The following PAPPA2 variants were observed in gnomAD, a reference collection of about 807,000 sequenced individuals.
PAPPA2 encodes pappalysin 2.
Under a neutral mutation model 176.4 loss-of-function variants are expected in PAPPA2, and 86 were observed. That is an observed-to-expected ratio of 0.49 (90% confidence interval 0.41 to 0.58). PAPPA2 has a LOEUF of 0.58. Ranked by LOEUF, PAPPA2 falls within the 20% of genes least tolerant of loss-of-function variation. The pLI, the probability that PAPPA2 is intolerant of heterozygous loss-of-function variation, is 0.00. For synonymous variants in PAPPA2, 809 were observed against 852.2 expected (o/e 0.95, Z 0.88); for missense variants, 2,073 against 2,256.9 (o/e 0.92, Z 1.65).
intron 15 of PAPPA2, among the ~76,000 whole-genome samples, chr1:176,768,832 C>T (rs190489450): frequency 4.3e-4 from 66 of 152,180 alleles, no homozygotes; most frequent in African/African-American, 1.5e-3. Flanking sequence ...TGGAAGATGC[C>T]TTGTATGCAT....
At chr1:176,825,881 T>C (rs140033471) in intron 21 of PAPPA2, among the ~76,000 whole-genome samples, 6 of 152,264 alleles carry the variant, frequency 3.9e-5, no homozygotes, top group Non-Finnish European at 8.8e-5. Flanking sequence ...CAGAGAACCA[T>C]TGATACGAAG....
At chr1:176,600,031 C>T (rs1454569791) in intron 3 of PAPPA2, among the ~76,000 whole-genome samples, 1 of 152,048 alleles carries the variant, frequency 6.6e-6, no homozygotes, top group Non-Finnish European at 1.5e-5. Flanking sequence ...TTTTTTATGA[C>T]TCTTGGCAAA....
At chr1:176,837,745 T>A (rs1571402294) in intron 21 of PAPPA2, among the ~76,000 whole-genome samples, 1 of 151,962 alleles carries the variant, frequency 6.6e-6, no homozygotes, top group East Asian at 1.9e-4. Context: ...TAGAGTGATA[T>A]CCTAAGACTG....
At chr1:176,524,898 C>T (rs898749977) in intron 1 of PAPPA2, among the ~76,000 whole-genome samples, 6 of 152,108 alleles carry the variant, frequency 3.9e-5, no homozygotes, top group Admixed American at 6.5e-5. Context: ...TAAAATTAGT[C>T]GGGCGTGATG....
chr1:176,727,194 A>C (rs937723516), intron 12 of PAPPA2, among the ~76,000 whole-genome samples: 1 of 152,190 alleles, frequency 6.6e-6, no homozygotes, highest in African/African-American at 2.4e-5. Context: ...CAGAAAATAA[A>C]TACCAAGATG....
intron 17 of PAPPA2, among the ~76,000 whole-genome samples, chr1:176,777,035 CT>C: frequency 6.6e-6 from 1 of 151,986 alleles, no homozygotes; most frequent in Non-Finnish European, 1.5e-5. Flanking sequence ...GCTAAAAATG[CT>C]TTTAGTTTCA....
intron 1 of PAPPA2, among the ~76,000 whole-genome samples, chr1:176,534,074 TTTAC>T (rs1649946812): frequency 2.0e-5 from 3 of 149,048 alleles, no homozygotes; most frequent in South Asian, 2.1e-4. Context: ...AATGTTTCTT[TTTAC>T]TTCTTCTAAA....
At chr1:176,789,377 G>T (rs912871175) in intron 17 of PAPPA2, among the ~76,000 whole-genome samples, 1 of 149,122 alleles carries the variant, frequency 6.7e-6, no homozygotes, top group South Asian at 2.2e-4. Context: ...ACAGGAAGGG[G>T]AACATCACAC....
chr1:176,632,249 G>C (rs546374939), intron 3 of PAPPA2, among the ~76,000 whole-genome samples: 1 of 151,980 alleles, frequency 6.6e-6, no homozygotes, highest in African/African-American at 2.4e-5. Flanking sequence ...GTGTGTGTGT[G>C]TGTGTGTGTG....
chr1:176,487,046 A>G (rs1652676803), intron 1 of PAPPA2, among the ~76,000 whole-genome samples: 2 of 152,320 alleles, frequency 1.3e-5, no homozygotes, highest in East Asian at 1.9e-4. Flanking sequence ...CAGATCCTCA[A>G]AAAAGGAGAG....
At chr1:176,704,977 A>G (rs1253773840) in intron 9 of PAPPA2, among the ~76,000 whole-genome samples, 1 of 152,242 alleles carries the variant, frequency 6.6e-6, no homozygotes, top group Non-Finnish European at 1.5e-5. Flanking sequence ...GCCGCATGGC[A>G]CAAGATGATA....
intron 21 of PAPPA2, among the ~76,000 whole-genome samples, chr1:176,833,009 T>G (rs1430285723): frequency 6.6e-6 from 1 of 152,192 alleles, no homozygotes; most frequent in Non-Finnish European, 1.5e-5. Context: ...ACACAGAAGA[T>G]GTACTACCAC....
intron 1 of PAPPA2, among the ~76,000 whole-genome samples, chr1:176,467,819 A>G (rs1651696188): frequency 1.3e-5 from 2 of 152,214 alleles, no homozygotes; most frequent in African/African-American, 4.8e-5. Context: ...GTACTTCACG[A>G]ATCCATTTGA....
intron 12 of PAPPA2, among the ~76,000 whole-genome samples, chr1:176,724,575 C>T (rs1377236563): frequency 6.6e-6 from 1 of 152,198 alleles, no homozygotes; most frequent in Admixed American, 6.5e-5. Flanking sequence ...ACCACATGCT[C>T]ACAGTGTCTT....
At chr1:176,691,333 T>A in intron 5 of PAPPA2, 1 of 249,222 alleles carries the variant, frequency 4.0e-6, no homozygotes, top group Non-Finnish European at 6.4e-6. Flanking sequence ...GAGGAAAGCG[T>A]GATGAGCCGA....
chr1:176,499,904 G>A (rs182194386), intron 1 of PAPPA2, among the ~76,000 whole-genome samples: 4 of 152,162 alleles, frequency 2.6e-5, no homozygotes, highest in Non-Finnish European at 5.9e-5. Flanking sequence ...CTGGGTCTGA[G>A]TCGTGATGTG....
chr1:176,574,514 A>G lies in PAPPA2; in HGVS notation c.919+17273A>G, dbSNP rs552777373. 1.1e-4 allele frequency among the ~76,000 whole-genome samples: 16 copies of G among 152,244 alleles called. No homozygotes were observed. In the East Asian group the frequency reaches 1.4e-3, roughly 13 times the overall value. The stretch of plus-strand genomic sequence containing the variant: ...TTTACCATTTTAAAAAAAATTTTCA[A>G]TTGACTGCTGGGCAGCTCCCTTTGG... On this transcript the variant is annotated intron_variant, in intron 2 of 22. Transcript: ENST00000367662.
intron 14 of PAPPA2, among the ~76,000 whole-genome samples, chr1:176,760,279 C>T (rs547245173): frequency 1.3e-5 from 2 of 152,150 alleles, no homozygotes; most frequent in African/African-American, 2.4e-5. Flanking sequence ...TGCTTTTGAT[C>T]TACCTTGTGG....
At position 176,766,317 on chromosome 1, in the gene PAPPA2, C is replaced by G. The variant is rs1027426973; in HGVS notation, c.4323+480C>G. On this transcript the variant is annotated intron_variant, in intron 15 of 22. Transcript: ENST00000367662. ...CAGAGATTCTGTCATGATTCTCACTCTGGCCAAATTTTCCAAATTTCTACA... is the reference window on the plus strand; with the variant it reads ...CAGAGATTCTGTCATGATTCTCACTGTGGCCAAATTTTCCAAATTTCTACA... 2.0e-5 allele frequency among the ~76,000 whole-genome samples: 3 copies of G among 152,208 alleles called. No individual in the cohort carries two copies. The East Asian group carries it at 5.8e-4, about 29-fold the overall frequency.
Sources: allele counts gnomAD v4.1 joint callset (sites outside exome capture counted in the v4.1 genomes callset), GRCh38; gene constraint gnomAD v4.1.1; transcripts MANE v1.5; gene names NCBI Gene and HGNC (gene_info 2026-07-23, HGNC 2026-07-21).